QTGAL: variants seen among roughly 807,000 people sequenced by gnomAD.
The protein encoded by QTGAL is queuosine-tRNA galactosyltransferase.
chr17:82,985,695 C>T, the QTGAL span, among the ~76,000 whole-genome samples: 1 of 152,170 alleles, frequency 6.6e-6, no homozygotes. Context: ...ATACGCGGGA[C>T]TGAATCTCCA....
At chr17:83,028,338 C>T in the QTGAL span, among the ~76,000 whole-genome samples, 2 of 151,176 alleles carry the variant, frequency 1.3e-5, no homozygotes, top group East Asian at 2.0e-4. Context: ...TCCTGGCTAA[C>T]ACGGTGAAAC....
chr17:82,999,623 G>A, the QTGAL span, among the ~76,000 whole-genome samples: 2 of 152,164 alleles, frequency 1.3e-5, no homozygotes. Context: ...TAAGCTAGAG[G>A]AAAGAAAAGC....
chr17:82,984,541 G>C, the QTGAL span, among the ~76,000 whole-genome samples: 2 of 150,270 alleles, frequency 1.3e-5, no homozygotes, highest in African/African-American at 4.9e-5. Context: ...GAGACCACGT[G>C]ATTATGCAGG....
chr17:83,051,715 C>T, the QTGAL span: 4 of 1,477,252 alleles, frequency 2.7e-6, no homozygotes, highest in Non-Finnish European at 2.7e-6. Flanking sequence ...CACGGCGGGG[C>T]ACCCTCCCCG....
the QTGAL span, among the ~76,000 whole-genome samples, chr17:82,959,463 AGT>A: frequency 0.67 from 100,978 of 151,130 alleles, 33,958 homozygotes; most frequent in South Asian, 0.87. Context: ...GTGCACGTGC[AGT>A]GTGTGTGTGT....
the QTGAL span, among the ~76,000 whole-genome samples, chr17:83,029,327 G>A: frequency 4.6e-5 from 7 of 152,108 alleles, no homozygotes; most frequent in Admixed American, 2.6e-4. Flanking sequence ...ATACTACAGT[G>A]GTACCCACTT....
the QTGAL span, among the ~76,000 whole-genome samples, chr17:82,983,920 G>A: frequency 1.3e-5 from 2 of 152,232 alleles, no homozygotes; most frequent in East Asian, 3.8e-4. Context: ...TATAAGAAGA[G>A]GAAGAGACAC....
At chr17:83,014,049 C>A in the QTGAL span, among the ~76,000 whole-genome samples, 1 of 152,282 alleles carries the variant, frequency 6.6e-6, no homozygotes. Flanking sequence ...GGAGGGGCCC[C>A]AGGAAGCCTG....
At chr17:83,041,108 A>G in the QTGAL span, among the ~76,000 whole-genome samples, 1 of 152,056 alleles carries the variant, frequency 6.6e-6, no homozygotes, top group African/African-American at 2.4e-5. Context: ...TCAAATTACT[A>G]AAATTTTACT....
the QTGAL span, among the ~76,000 whole-genome samples, chr17:82,983,726 G>A: frequency 6.6e-6 from 1 of 152,172 alleles, no homozygotes; most frequent in African/African-American, 2.4e-5. Flanking sequence ...AGCGGGCAGG[G>A]GCACCAGGCA....
the QTGAL span, chr17:83,048,936 G>T: frequency 1.5e-6 from 1 of 653,804 alleles, no homozygotes. Flanking sequence ...ATGCTTGTAA[G>T]ATTCTTTACG....
At chr17:82,977,640 C>T in the QTGAL span, among the ~76,000 whole-genome samples, 5 of 152,090 alleles carry the variant, frequency 3.3e-5, no homozygotes, top group African/African-American at 9.7e-5. Context: ...TTCTGGTCAC[C>T]GTGAAAGAGC....
chr17:83,032,847 G>C, the QTGAL span, among the ~76,000 whole-genome samples: 1 of 152,196 alleles, frequency 6.6e-6, no homozygotes, highest in African/African-American at 2.4e-5. Context: ...CCGCCTTCCC[G>C]AGCTGGGCCG....
chr17:83,042,816 G>T, the QTGAL span, among the ~76,000 whole-genome samples: 1 of 152,238 alleles, frequency 6.6e-6, no homozygotes, highest in Non-Finnish European at 1.5e-5. Context: ...ATTCACTTCA[G>T]ATCCAAAGGC....
At chr17:82,958,649 G>C in the QTGAL span, among the ~76,000 whole-genome samples, 1 of 152,202 alleles carries the variant, frequency 6.6e-6, no homozygotes, top group South Asian at 2.1e-4. Flanking sequence ...AGCTCAGGGA[G>C]CTGCAGGGCT....
At chr17:83,031,922 C>T in the QTGAL span, among the ~76,000 whole-genome samples, 1 of 152,284 alleles carries the variant, frequency 6.6e-6, no homozygotes, top group Non-Finnish European at 1.5e-5. Flanking sequence ...TGTTCACTCT[C>T]GTCCTCATCA....
At chr17:83,014,743 C>T in the QTGAL span, among the ~76,000 whole-genome samples, 1 of 152,216 alleles carries the variant, frequency 6.6e-6, no homozygotes, top group African/African-American at 2.4e-5. Flanking sequence ...TTTAAACTCA[C>T]ATAAAGCAAT....
the QTGAL span, among the ~76,000 whole-genome samples, chr17:82,983,373 T>C: frequency 1.3e-5 from 2 of 152,174 alleles, no homozygotes; most frequent in African/African-American, 4.8e-5. Flanking sequence ...TTTGTCAAAA[T>C]GACTCTACCA....
the QTGAL span, chr17:82,978,443 G>A: frequency 6.6e-6 from 1 of 152,184 alleles, no homozygotes; most frequent in South Asian, 2.1e-4. This position sits in a 1 kb window ranked among gnomAD's most constrained non-coding sequence, Gnocchi z 4.8. Context: ...TCTGAAACTA[G>A]TGTCCTGGTG....
Sources: allele counts gnomAD v4.1 joint callset (sites outside exome capture counted in the v4.1 genomes callset), GRCh38; gene constraint gnomAD v4.1.1; non-coding constraint Gnocchi (gnomAD v3.1); transcripts MANE v1.5; gene names NCBI Gene and HGNC (gene_info 2026-07-23, HGNC 2026-07-21).